ASTN2: variants seen among roughly 807,000 people sequenced by gnomAD.
The protein encoded by ASTN2 is astrotactin 2.
ASTN2 carries 54 observed loss-of-function variants against 139.8 expected under a neutral mutation model. The ratio of observed to expected loss-of-function variants is 0.39; its 90% CI spans 0.31 to 0.48. The LOEUF is 0.48. Among genes scored for constraint, ASTN2 ranks in the 20% least tolerant of loss-of-function variants. ASTN2 has a pLI of 0.95. For missense variants in ASTN2, 1,565 were observed against 1,725.1 expected (o/e 0.91, Z 1.64); for synonymous variants, 756 against 719.5 (o/e 1.05, Z -0.81).
intron 1 of ASTN2, among the ~76,000 whole-genome samples, chr9:117,397,891 A>G: frequency 6.6e-6 from 1 of 152,186 alleles, no homozygotes. Flanking sequence ...GTCAAATGCC[A>G]TGCCAGAGAC....
intron 1 of ASTN2, among the ~76,000 whole-genome samples, chr9:117,316,598 ATGCTCAATC>A (rs1338808673): frequency 6.6e-6 from 1 of 152,146 alleles, no homozygotes; most frequent in Non-Finnish European, 1.5e-5. Context: ...ATGTGGGAAG[ATGCTCAATC>A]TGCTGGTATG....
At chr9:116,434,701 A>C (rs1163169494) in intron 22 of ASTN2, among the ~76,000 whole-genome samples, 1 of 152,130 alleles carries the variant, frequency 6.6e-6, no homozygotes, top group Non-Finnish European at 1.5e-5. Context: ...TGACCCGAGA[A>C]AATTCTGGTC....
intron 10 of ASTN2, among the ~76,000 whole-genome samples, chr9:116,974,552 A>C (rs1214781465): frequency 5.6e-5 from 7 of 126,098 alleles, no homozygotes; most frequent in Non-Finnish European, 7.9e-5. Flanking sequence ...TCTGTTCCCC[A>C]GGCTGGAGTG....
At chr9:116,701,178 T>A (rs557750001) in intron 16 of ASTN2, 2 of 167,124 alleles carry the variant, frequency 1.2e-5, no homozygotes, top group African/African-American at 4.8e-5. Flanking sequence ...TACTTTGATG[T>A]AAACAAAATT....
At chr9:117,360,255 A>C (rs1020523436) in intron 1 of ASTN2, among the ~76,000 whole-genome samples, 8 of 152,206 alleles carry the variant, frequency 5.3e-5, no homozygotes, top group Non-Finnish European at 1.2e-4. Context: ...AATCCCTGCT[A>C]TCAAAGAGCT....
chr9:116,660,858 TC>T (rs1858518525), intron 16 of ASTN2, among the ~76,000 whole-genome samples: 1 of 152,186 alleles, frequency 6.6e-6, no homozygotes, highest in Non-Finnish European at 1.5e-5. Context: ...GGATACTAAC[TC>T]CTCATCCAAC....
intron 19 of ASTN2, among the ~76,000 whole-genome samples, chr9:116,579,608 C>T (rs1853865251): frequency 6.6e-6 from 1 of 152,106 alleles, no homozygotes; most frequent in Non-Finnish European, 1.5e-5. Flanking sequence ...CAGCCAGGCG[C>T]AATGGTACAT....
At chr9:116,958,250 G>A (rs1407091342) in intron 10 of ASTN2, among the ~76,000 whole-genome samples, 1 of 152,234 alleles carries the variant, frequency 6.6e-6, no homozygotes, top group African/African-American at 2.4e-5. Context: ...AGAGCTCATT[G>A]GGTTGTACGA....
At chr9:116,932,390 T>C (rs1313551345) in intron 10 of ASTN2, among the ~76,000 whole-genome samples, 2 of 152,198 alleles carry the variant, frequency 1.3e-5, no homozygotes, top group Admixed American at 6.5e-5. Flanking sequence ...ATTGGGTTTT[T>C]GGCTTCCACA....
At chr9:116,616,432 G>A (rs1232747136) in intron 19 of ASTN2, among the ~76,000 whole-genome samples, 1 of 152,182 alleles carries the variant, frequency 6.6e-6, no homozygotes, top group East Asian at 1.9e-4. Flanking sequence ...GAGTTTCAAT[G>A]TAAACTCTAC....
intron 7 of ASTN2, among the ~76,000 whole-genome samples, chr9:116,998,585 A>G (rs951504828): frequency 9.2e-6 from 1 of 108,782 alleles, no homozygotes; most frequent in Non-Finnish European, 1.9e-5. Flanking sequence ...ATCCATCCAT[A>G]CATCCATGCA....
At chr9:116,666,306 T>C (rs539838075) in intron 16 of ASTN2, among the ~76,000 whole-genome samples, 7 of 152,296 alleles carry the variant, frequency 4.6e-5, no homozygotes, top group Admixed American at 1.3e-4. Context: ...ATGATAGAAT[T>C]TGGGGGTCTG....
intron 4 of ASTN2, among the ~76,000 whole-genome samples, chr9:117,104,115 C>T (rs1040659652): frequency 6.6e-6 from 1 of 152,082 alleles, no homozygotes; most frequent in Non-Finnish European, 1.5e-5. Context: ...TGTCTGATCC[C>T]CCAGGGAAGA....
At chr9:116,803,520 ATATTT>A (rs1830946482) in intron 13 of ASTN2, among the ~76,000 whole-genome samples, 2 of 4,058 alleles carry the variant, frequency 4.9e-4, no homozygotes, top group African/African-American at 1.1e-3. Context: ...ATATATATAT[ATATTT>A]TTTTTTTTTT....
intron 11 of ASTN2, 64 bp from the exon 12 acceptor site, chr9:116,820,847 C>T: frequency 6.7e-7 from 1 of 1,488,950 alleles, no homozygotes; most frequent in Non-Finnish European, 9.1e-7. Flanking sequence ...ATCACACCCT[C>T]TCCTCCCTCC....
chr9:116,993,548 T>C (rs1836920485), intron 7 of ASTN2, among the ~76,000 whole-genome samples: 1 of 150,986 alleles, frequency 6.6e-6, no homozygotes, highest in Admixed American at 6.6e-5. Flanking sequence ...ATATATAGTA[T>C]ATACAGCAAT....
Position 117,414,520 on chromosome 9 carries a change from GTGTTGT to G in ASTN2, c.413_418del (p.Asp138_Thr140delinsAla). 6.2e-7 allele frequency: 1 copy of G among 1,609,250 alleles called. No homozygotes were observed. Among genetic ancestry groups the G allele is most frequent in the Non-Finnish European group, 8.5e-7 (1 of 1,178,352 alleles). ...ACCCAGGGTGAAGAAGGGCAGCTCG[GTGTTGT>G]CCAGGTCGTCCTGCACCGCGATGCG... On this transcript the variant is annotated inframe_deletion, in exon 1 of 23. Transcript: ENST00000313400. This position sits in a 1 kb window ranked among gnomAD's most constrained non-coding sequence, Gnocchi z 4.2.
chr9:116,527,487 A>G (rs1851144694), intron 19 of ASTN2, among the ~76,000 whole-genome samples: 4 of 152,186 alleles, frequency 2.6e-5, no homozygotes, highest in Admixed American at 2.6e-4. Flanking sequence ...ATCACCTCAC[A>G]CTGTTAGAAT....
chr9:116,509,025 A>G (rs534816466), intron 19 of ASTN2, among the ~76,000 whole-genome samples: 42 of 152,182 alleles, frequency 2.8e-4, no homozygotes, highest in African/African-American at 9.6e-4. Context: ...ATTTTTAACT[A>G]TAATTTAAGT....
Sources: gnomAD v4.1 joint callset for allele counts (sites outside exome capture counted in the v4.1 genomes callset) on GRCh38, gnomAD v4.1.1 for gene constraint, Gnocchi (gnomAD v3.1) non-coding constraint, MANE v1.5 for transcripts, NCBI Gene and HGNC (gene_info 2026-07-23, HGNC 2026-07-21) for gene names.